Variants in EXOC6B observed in about 807,000 individuals in gnomAD.
EXOC6B encodes the protein exocyst complex component 6B, also known as SEC15 homolog B.
A neutral mutation model predicts 113.5 loss-of-function variants in EXOC6B; 54 were observed. The observed-to-expected ratio is 0.48, with a 90% CI of 0.38 to 0.60. The LOEUF (loss-of-function observed/expected upper bound fraction) is 0.60. Among genes scored for constraint, EXOC6B ranks in the 20% least tolerant of loss-of-function variants. EXOC6B has a pLI of 0.00. For synonymous variants in EXOC6B, 357 were observed against 339.0 expected (o/e 1.05, Z -0.58); for missense variants, 797 against 977.5 (o/e 0.82, Z 2.46).
At chr2:72,218,004 TGAAAA>T (rs1432390683) in intron 20 of EXOC6B, among the ~76,000 whole-genome samples, 1 of 152,162 alleles carries the variant, frequency 6.6e-6, no homozygotes, top group African/African-American at 2.4e-5. Flanking sequence ...ACTTTACAGA[TGAAAA>T]GAATAAGGCC....
chr2:72,582,738 C>T (rs1573436363), intron 6 of EXOC6B, among the ~76,000 whole-genome samples: 1 of 152,200 alleles, frequency 6.6e-6, no homozygotes, highest in East Asian at 1.9e-4. Context: ...GACACCACCA[C>T]AGGATCACAC....
At chr2:72,308,229 T>C (rs1687004560) in intron 20 of EXOC6B, among the ~76,000 whole-genome samples, 1 of 152,226 alleles carries the variant, frequency 6.6e-6, no homozygotes, top group African/African-American at 2.4e-5. Context: ...CCACTGCATA[T>C]GCCCAACCAG....
chr2:72,728,008 A>G (rs951621914), intron 5 of EXOC6B, among the ~76,000 whole-genome samples: 1 of 152,192 alleles, frequency 6.6e-6, no homozygotes, highest in Non-Finnish European at 1.5e-5. Flanking sequence ...AAAATAAAAT[A>G]AAAATCACAA....
chr2:72,489,113 T>C (rs932120207), intron 16 of EXOC6B, among the ~76,000 whole-genome samples: 5 of 152,202 alleles, frequency 3.3e-5, no homozygotes, highest in Admixed American at 2.0e-4. Flanking sequence ...GAGGTGCTGC[T>C]ATAAAAATAA....
chr2:72,657,720 A>G (rs903508668), intron 6 of EXOC6B, among the ~76,000 whole-genome samples: 1 of 151,232 alleles, frequency 6.6e-6, no homozygotes, highest in African/African-American at 2.4e-5. Flanking sequence ...GATTTTGTGG[A>G]ATAGTCATTA....
intron 1 of EXOC6B, among the ~76,000 whole-genome samples, chr2:72,808,786 A>C (rs1685719213): frequency 6.6e-6 from 1 of 151,966 alleles, no homozygotes; most frequent in South Asian, 2.1e-4. Flanking sequence ...TATCTCAAAA[A>C]ACACAGCTGA....
At chr2:72,819,665 C>G (rs1686474675) in intron 1 of EXOC6B, among the ~76,000 whole-genome samples, 1 of 151,954 alleles carries the variant, frequency 6.6e-6, no homozygotes. Flanking sequence ...CATAGCAAAC[C>G]CAAGGGTAAA....
rs1686817486 is a variant in EXOC6B, at chr2:72,825,018, A to T, written c.113+780T>A. 1.3e-5 allele frequency among the ~76,000 whole-genome samples: 2 copies of T among 152,194 alleles called. No homozygotes were observed. Among genetic ancestry groups the T allele is most frequent in the South Asian group, 4.1e-4 (2 of 4,836 alleles). ...AATACGGTTGTTTTGTAGCTTAAATAAGTTGCATTTGTAAATCACTTTATA... is the reference window on the plus strand; with the variant it reads ...AATACGGTTGTTTTGTAGCTTAAATTAGTTGCATTTGTAAATCACTTTATA... On this transcript the variant is annotated intron_variant, in intron 1 of 21. Transcript: ENST00000272427. This position sits in a 1 kb window ranked among gnomAD's most constrained non-coding sequence, Gnocchi z 4.4.
intron 6 of EXOC6B, among the ~76,000 whole-genome samples, chr2:72,649,010 C>T (rs931105205): frequency 2.6e-5 from 4 of 152,088 alleles, no homozygotes; most frequent in African/African-American, 9.7e-5. Context: ...CATGGTAGTG[C>T]ACACCTGTAG....
chr2:72,493,608 G>A (rs1016585070), intron 15 of EXOC6B, among the ~76,000 whole-genome samples: 7 of 151,762 alleles, frequency 4.6e-5, no homozygotes, highest in East Asian at 3.9e-4. Flanking sequence ...AGGATCTCTC[G>A]CGTATGTATG....
intron 20 of EXOC6B, among the ~76,000 whole-genome samples, chr2:72,293,604 A>G (rs759195406): frequency 2.8e-4 from 42 of 152,176 alleles, no homozygotes; most frequent in Admixed American, 4.6e-4. Context: ...TAGGGCTAAT[A>G]GGTATCTGGT....
chr2:72,321,380 C>T (rs1030439650), intron 20 of EXOC6B, among the ~76,000 whole-genome samples: 1 of 151,852 alleles, frequency 6.6e-6, no homozygotes, highest in African/African-American at 2.4e-5. Context: ...CCTAAAAATA[C>T]AAGAATTAGC....
chr2:72,655,317 AT>A (rs931254287), intron 6 of EXOC6B, among the ~76,000 whole-genome samples: 55 of 152,150 alleles, frequency 3.6e-4, no homozygotes, highest in African/African-American at 1.3e-3. Flanking sequence ...ACTGTCAAGA[AT>A]TTTTTTAATT....
chr2:72,177,202 T>G lies in EXOC6B; in HGVS notation c.*2133A>C, dbSNP rs1677785555. On this transcript the variant is annotated 3_prime_UTR_variant, in exon 22 of 22. Coordinates refer to ENST00000272427, the MANE Select transcript of EXOC6B (RefSeq NM_015189.3). The stretch of plus-strand genomic sequence containing the variant: ...TTCTGTGCAGAATAACCCCTATTCC[T>G]CCACCTTGTTCACTTTTTCCTGTAT... 1 of 152,204 alleles carries G rather than the reference T, an allele frequency of 6.6e-6. No individual in the cohort carries two copies. Among genetic ancestry groups the G allele is most frequent in the Non-Finnish European group, 1.5e-5 (1 of 68,036 alleles). 9.4% of individuals were successfully genotyped at this position (152,204 alleles called of 1,614,324 possible).
chr2:72,277,492 TG>T (rs1287548996), intron 20 of EXOC6B, among the ~76,000 whole-genome samples: 2 of 151,904 alleles, frequency 1.3e-5, no homozygotes, highest in South Asian at 2.1e-4. Context: ...AGTATGTATT[TG>T]TTTTTTTTTT....
chr2:72,774,822 G>C (rs1683604067), intron 1 of EXOC6B, among the ~76,000 whole-genome samples: 1 of 152,126 alleles, frequency 6.6e-6, no homozygotes, highest in African/African-American at 2.4e-5. Context: ...CAAACATCAT[G>C]CATCAGTCAC....
Position 72,447,777 on chromosome 2 carries a change from G to C in EXOC6B, c.1980+17383C>G, listed in dbSNP as rs567731183. On this transcript the variant is annotated intron_variant, in intron 18 of 21. Coordinates refer to ENST00000272427, the MANE Select transcript of EXOC6B (RefSeq NM_015189.3). Reference sequence around the variant, plus strand: ...GTGTCTTTCCTTGTACTTGTACTTTGTACTTGCATAGATGAATTGGGGGAT... The same window carrying C: ...GTGTCTTTCCTTGTACTTGTACTTTCTACTTGCATAGATGAATTGGGGGAT... Among the ~76,000 whole-genome samples the C allele has an allele frequency of 4.6e-5, 7 of 152,194 alleles. 1 individual carries two copies. In the East Asian group the frequency reaches 1.4e-3, roughly 29 times the overall value.
chr2:72,524,236 T>C (rs1701652444), intron 8 of EXOC6B, among the ~76,000 whole-genome samples: 1 of 151,912 alleles, frequency 6.6e-6, no homozygotes, highest in Non-Finnish European at 1.5e-5. Flanking sequence ...AGCCCCATAA[T>C]GATGTTCAGC....
At chr2:72,476,929 T>C (rs1427173522) in intron 17 of EXOC6B, among the ~76,000 whole-genome samples, 1 of 152,190 alleles carries the variant, frequency 6.6e-6, no homozygotes, top group Non-Finnish European at 1.5e-5. Flanking sequence ...TGCCTATAAA[T>C]ATCCTGCTGG....
Sources: gnomAD v4.1 joint callset for allele counts (sites outside exome capture counted in the v4.1 genomes callset) on GRCh38, gnomAD v4.1.1 for gene constraint, Gnocchi (gnomAD v3.1) non-coding constraint, MANE v1.5 for transcripts, NCBI Gene and HGNC (gene_info 2026-07-23, HGNC 2026-07-21) for gene names.